Variants in B4GALT1 observed in about 807,000 individuals in gnomAD.
B4GALT1 encodes N-acetyllactosamine synthase.
In B4GALT1, 16 loss-of-function variants were observed where a neutral mutation model predicts 34.9. The ratio of observed to expected loss-of-function variants is 0.46; its 90% CI spans 0.31 to 0.70. The LOEUF (loss-of-function observed/expected upper bound fraction) is 0.70, where lower values mean the gene tolerates loss of function less well. Among genes scored for constraint, B4GALT1 ranks in the 30% least tolerant of loss-of-function variants. B4GALT1 has a pLI of 0.05. For synonymous variants in B4GALT1, 221 were observed against 218.1 expected (o/e 1.01, Z -0.12); for missense variants, 445 against 530.5 (o/e 0.84, Z 1.58).
chr9:33,169,762 C>T (rs995497432), upstream of B4GALT1, among the ~76,000 whole-genome samples: 1 of 152,064 alleles, frequency 6.6e-6, no homozygotes, highest in African/African-American at 2.4e-5. Flanking sequence ...CTCAGGTGAT[C>T]CGCCCGCCTC....
rs140288705 is a variant in B4GALT1 at position 33,145,790 on chromosome 9, C to T, written c.413-10366G>A. On this transcript the variant is annotated intron_variant, in intron 1 of 5. Coordinates refer to ENST00000379731, the MANE Select transcript of B4GALT1 (RefSeq NM_001497.4). ...AGCACACGTGCCTTTACTGTCCCTG[C>T]GCTGTACCCACGGGGATTCTGTCTC... Among the ~76,000 whole-genome samples, 60 of 152,340 alleles carry T rather than the reference C, an allele frequency of 3.9e-4. 1 individual carries two copies. The East Asian group carries it at 9.6e-3, about 24-fold the overall frequency.
At chr9:33,159,852 T>C (rs993798754) in intron 1 of B4GALT1, among the ~76,000 whole-genome samples, 7 of 152,184 alleles carry the variant, frequency 4.6e-5, no homozygotes, top group African/African-American at 1.7e-4. Context: ...GCCACAGTAG[T>C]CCACAGAAGT....
chr9:33,157,645 G>A (rs1165485966), intron 1 of B4GALT1, among the ~76,000 whole-genome samples: 2 of 152,000 alleles, frequency 1.3e-5, no homozygotes, highest in Non-Finnish European at 2.9e-5. Context: ...TTACAGAAGT[G>A]GGAGCATGTT....
At chr9:33,185,047 C>CA in the B4GALT1 span, among the ~76,000 whole-genome samples, 4 of 152,146 alleles carry the variant, frequency 2.6e-5, no homozygotes, top group Non-Finnish European at 4.4e-5. Context: ...CCTGGGTAGC[C>CA]ATGTTGATAC....
chr9:33,138,310 C>G (rs1382322447), intron 1 of B4GALT1, among the ~76,000 whole-genome samples: 1 of 152,180 alleles, frequency 6.6e-6, no homozygotes, highest in East Asian at 1.9e-4. Context: ...GATAGTACAG[C>G]CACTCTCAGG....
At position 33,111,276 on chromosome 9, in the gene B4GALT1, A is replaced by AAAAAAAAAAAAAAAAAAAAAAAAC. The variant is rs1564033760; in HGVS notation, c.*2177_*2178insGTTTTTTTTTTTTTTTTTTTTTTT. On this transcript the variant is annotated 3_prime_UTR_variant, in exon 6 of 6. Coordinates refer to ENST00000379731, the MANE Select transcript of B4GALT1 (RefSeq NM_001497.4). Reference sequence around the variant, plus strand: ...AAAAAAAAAAAAAAAAAAAAAAAAAAAACAACAAGAAAAGGTAGAGTTTGG... The same window carrying AAAAAAAAAAAAAAAAAAAAAAAAC: ...AAAAAAAAAAAAAAAAAAAAAAAAAAAAAAAAAAAAAAAAAAAAAAAAACAACAACAAGAAAAGGTAGAGTTTGG... 2 of 106,010 alleles carry AAAAAAAAAAAAAAAAAAAAAAAAC rather than the reference A, an allele frequency of 1.9e-5. No homozygotes were observed. Among genetic ancestry groups the AAAAAAAAAAAAAAAAAAAAAAAAC allele is most frequent in the Non-Finnish European group, 4.1e-5 (2 of 49,216 alleles). 6.6% of individuals were successfully genotyped at this position (106,010 alleles called of 1,614,324 possible).
chr9:33,139,969 C>T (rs944820251), intron 1 of B4GALT1, among the ~76,000 whole-genome samples: 1 of 152,270 alleles, frequency 6.6e-6, no homozygotes, highest in Non-Finnish European at 1.5e-5. Context: ...CCAGCTCAAG[C>T]CCCGCCACGT....
At chr9:33,177,482 G>T in the B4GALT1 span, 2 of 152,122 alleles carry the variant, frequency 1.3e-5, no homozygotes, top group Admixed American at 1.3e-4. Context: ...AAGTGAAAAT[G>T]TATTAGAACT....
rs1213346238 is a variant in B4GALT1 at position 33,157,144 on chromosome 9, A to ACACACACACACACACACG, written c.412+9613_412+9614insCGTGTGTGTGTGTGTGTG. On this transcript the variant is annotated intron_variant, in intron 1 of 5. Transcript: ENST00000379731. ...ACTACACACACACACACACACACAC[A>ACACACACACACACACACG]CACACACACACACACTGGCTGGAAG... Among the ~76,000 whole-genome samples, 28 of 151,084 alleles carry ACACACACACACACACACG rather than the reference A, an allele frequency of 1.9e-4. 1 individual carries two copies. Among genetic ancestry groups the ACACACACACACACACACG allele is most frequent in the African/African-American group, 6.6e-4 (27 of 40,914 alleles).
chr9:33,148,224 C>A (rs1840457463), intron 1 of B4GALT1, among the ~76,000 whole-genome samples: 1 of 152,158 alleles, frequency 6.6e-6, no homozygotes, highest in African/African-American at 2.4e-5. Context: ...AGAGGAATCC[C>A]AAAGACCATC....
chr9:33,126,550 G>A (rs886755969), intron 2 of B4GALT1, among the ~76,000 whole-genome samples: 6 of 36,154 alleles, frequency 1.7e-4, no homozygotes, highest in African/African-American at 3.9e-4. Context: ...GAGAAGCTGG[G>A]ACTGTTAGCA....
upstream of B4GALT1, among the ~76,000 whole-genome samples, chr9:33,168,170 C>T (rs1752004550): frequency 1.3e-5 from 2 of 152,178 alleles, no homozygotes; most frequent in South Asian, 4.1e-4. Context: ...AGTGGGGCCC[C>T]GGCAGATTAA....
In B4GALT1 at chr9:33,135,424, A is replaced by G. The variant is rs1035869915; in HGVS notation, c.413T>C (p.Val138Ala). ...PACPEESPLL[V>A]GPMLIEFNMP... ...GTTAAACTCAATCAGCATGGGGCCCACTAGAGAGGTGGAGGGAGGGAGAAG... is the reference window on the plus strand; with the variant it reads ...GTTAAACTCAATCAGCATGGGGCCCGCTAGAGAGGTGGAGGGAGGGAGAAG... The change falls in exon 2 of 6, where the codon GTG becomes GCG. Residue 138 changes from valine (V) to alanine (A), a missense_variant and splice_region_variant. This residue lies in a region of B4GALT1 where 349 missense variants were observed against 395.5 expected (regional missense o/e 0.88). Transcript: ENST00000379731. The G allele has an allele frequency of 6.2e-7, 1 of 1,613,872 alleles. No individual in the cohort carries two copies. The highest frequency in any genetic ancestry group is 8.5e-7 in the Non-Finnish European group (1 of 1,179,968).
chr9:33,133,317 T>C (rs865775098), intron 2 of B4GALT1, among the ~76,000 whole-genome samples: 14 of 152,230 alleles, frequency 9.2e-5, no homozygotes, highest in Admixed American at 5.2e-4. Context: ...TATGACAGCA[T>C]TGTATCCACA....
At chr9:33,130,307 A>G (rs1840174987) in intron 2 of B4GALT1, among the ~76,000 whole-genome samples, 1 of 152,086 alleles carries the variant, frequency 6.6e-6, no homozygotes, top group Non-Finnish European at 1.5e-5. Flanking sequence ...GGGTTTGAGT[A>G]TTAGGAAATG....
chr9:33,152,819 A>G (rs2118256712), intron 1 of B4GALT1, among the ~76,000 whole-genome samples: 1 of 152,264 alleles, frequency 6.6e-6, no homozygotes, highest in South Asian at 2.1e-4. Context: ...GGTTGCAGTG[A>G]GCCAAGATCG....
the B4GALT1 span, among the ~76,000 whole-genome samples, chr9:33,183,511 A>G: frequency 2.1e-5 from 3 of 139,658 alleles, no homozygotes; most frequent in Non-Finnish European, 3.1e-5. Flanking sequence ...GGAAATCATC[A>G]TTCTCAGTAA....
chr9:33,183,394 AC>A, the B4GALT1 span, among the ~76,000 whole-genome samples: 2 of 149,648 alleles, frequency 1.3e-5, no homozygotes, highest in Non-Finnish European at 3.0e-5. Context: ...CAAATGTCCA[AC>A]AATGATAGAC....
intron 3 of B4GALT1, 30 bp from the exon 4 acceptor site, chr9:33,116,143 C>T: frequency 1.9e-6 from 3 of 1,608,284 alleles, no homozygotes; most frequent in Non-Finnish European, 2.5e-6. Flanking sequence ...ACAGAAGGAG[C>T]AGTGGTTAGT....
Sources: gnomAD v4.1 joint callset for allele counts (sites outside exome capture counted in the v4.1 genomes callset) on GRCh38, gnomAD v4.1.1 for gene constraint, gnomAD v4.1.1 regional missense constraint, MANE v1.5 for transcripts, NCBI Gene and HGNC (gene_info 2026-07-23, HGNC 2026-07-21) for gene names.